Variants in PCDHGA4 observed in about 807,000 individuals in gnomAD.
PCDHGA4 encodes protocadherin gamma subfamily A, 4, also known as protocadherin gamma-A4.
In PCDHGA4, 38 loss-of-function variants were observed where a neutral mutation model predicts 54.6. The ratio of observed to expected loss-of-function variants is 0.70; its 90% confidence interval spans 0.54 to 0.91. PCDHGA4 has a LOEUF of 0.91. Ranked by LOEUF, PCDHGA4 falls within the 40% of genes least tolerant of loss-of-function variation. PCDHGA4 has a pLI of 0.00. For missense variants in PCDHGA4, 1,298 were observed against 1,220.9 expected, an observed-to-expected ratio of 1.06 and a Z score of -0.94; for synonymous variants, 511 against 512.9, an observed-to-expected ratio of 1.00 and a Z score of 0.05.
chr5:141,444,897 G>T (rs1445334623), intron 1 of PCDHGA4, among the ~76,000 whole-genome samples: 1 of 152,274 alleles, frequency 6.6e-6, no homozygotes, highest in African/African-American at 2.4e-5. Flanking sequence ...GAATGGGATG[G>T]CATTGCATCT....
intron 1 of PCDHGA4, chr5:141,374,341 C>G: frequency 7.4e-6 from 12 of 1,613,988 alleles, no homozygotes; most frequent in Non-Finnish European, 8.5e-6. Flanking sequence ...GCTTGGTCAC[C>G]GCGGGTAGGA....
At chr5:141,463,803 A>G (rs975202568) in intron 1 of PCDHGA4, among the ~76,000 whole-genome samples, 1 of 152,150 alleles carries the variant, frequency 6.6e-6, no homozygotes, top group Non-Finnish European at 1.5e-5. Flanking sequence ...AATGTCTAAA[A>G]GCTTTTATCA....
At chr5:141,443,759 A>G (rs1055796439) in intron 1 of PCDHGA4, among the ~76,000 whole-genome samples, 2 of 152,228 alleles carry the variant, frequency 1.3e-5, no homozygotes, top group African/African-American at 2.4e-5. Flanking sequence ...GAAGCTTACA[A>G]TATACAATAT....
Position 141,383,965 on chromosome 5 carries a change from A to G in PCDHGA4, c.2514+26344A>G, listed in dbSNP as rs1208203107. ...GACTATGACGTCTTTAAGTAGCTCA[A>G]TCCCTGAAGACACACCTCTTGGGAC... On this transcript the variant is annotated intron_variant, in intron 1 of 3. Coordinates refer to ENST00000571252, the MANE Select transcript of PCDHGA4 (RefSeq NM_018917.4). 1 of 1,613,598 alleles carries G rather than the reference A, an allele frequency of 6.2e-7. No individual in the cohort carries two copies. The highest frequency in any genetic ancestry group is 2.2e-5 in the East Asian group (1 of 44,892).
chr5:141,377,182 A>G (rs958059395), intron 1 of PCDHGA4: 9 of 152,144 alleles, frequency 5.9e-5, no homozygotes, highest in Non-Finnish European at 8.8e-5. Flanking sequence ...TTCTTGGCAA[A>G]CTATTTGTGT....
In PCDHGA4 at chr5:141,511,358, G is replaced by GT; in HGVS notation, c.*187dup. 1 of 1,355,398 alleles carries GT rather than the reference G, an allele frequency of 7.4e-7. No homozygotes were observed. Among genetic ancestry groups the GT allele is most frequent in the South Asian group, 1.5e-5 (1 of 66,198 alleles). 84.0% of individuals were successfully genotyped at this position (1,355,398 alleles called of 1,614,324 possible). On this transcript the variant is annotated 3_prime_UTR_variant, in exon 4 of 4. Transcript: ENST00000571252. ...GCACCTACCCCTTCCCCCCCAGGGG[G>GT]TTGAATATGCAAAAGCAGTTCCGCT...
At chr5:141,395,177 T>C in intron 1 of PCDHGA4, 2 of 1,614,120 alleles carry the variant, frequency 1.2e-6, no homozygotes, top group South Asian at 2.2e-5. Flanking sequence ...GTGAGAAAAA[T>C]GATTCTTTGT....
chr5:141,436,337 A>G (rs1450981655), intron 1 of PCDHGA4, among the ~76,000 whole-genome samples: 1 of 152,178 alleles, frequency 6.6e-6, no homozygotes, highest in Non-Finnish European at 1.5e-5. Flanking sequence ...CATATCTCAA[A>G]TATCAGTGAC....
At chr5:141,417,770 T>G in intron 1 of PCDHGA4, 1 of 1,456,418 alleles carries the variant, frequency 6.9e-7, no homozygotes, top group Non-Finnish European at 9.1e-7. Context: ...CCGGGACTCC[T>G]CCTGTCCTGG....
intron 1 of PCDHGA4, chr5:141,439,852 G>A (rs182049678): frequency 1.3e-5 from 2 of 152,474 alleles, no homozygotes; most frequent in African/African-American, 4.8e-5. Context: ...CTGTGGAAAA[G>A]GTGGGGAATG....
intron 1 of PCDHGA4, among the ~76,000 whole-genome samples, chr5:141,401,116 G>A (rs763920346): frequency 1.3e-5 from 2 of 152,036 alleles, no homozygotes; most frequent in African/African-American, 2.4e-5. Flanking sequence ...GGCCGAGGCG[G>A]TTGGATCACA....
At chr5:141,505,559 G>A (rs1215110084) in intron 3 of PCDHGA4, 78 bp downstream of exon 3, 27 of 1,604,592 alleles carry the variant, frequency 1.7e-5, no homozygotes, top group Non-Finnish European at 2.0e-5. Flanking sequence ...CCATGCCCAC[G>A]GACTGGATGT....
chr5:141,417,658 G>C, intron 1 of PCDHGA4: 2 of 869,072 alleles, frequency 2.3e-6, no homozygotes, highest in Non-Finnish European at 1.7e-6. Context: ...TCTAGCCTGG[G>C]ATTCCCTGCG....
intron 1 of PCDHGA4, among the ~76,000 whole-genome samples, chr5:141,454,743 G>A (rs1050167077): frequency 6.7e-6 from 1 of 149,684 alleles, no homozygotes; most frequent in African/African-American, 2.5e-5. Context: ...ATGAAAAGAG[G>A]CCAAACTAAT....
intron 1 of PCDHGA4, chr5:141,414,831 G>A (rs1230752323): frequency 1.9e-6 from 3 of 1,614,212 alleles, no homozygotes; most frequent in Admixed American, 1.7e-5. Flanking sequence ...ACGTGTCGTT[G>A]AGCCTGTTTG....
intron 1 of PCDHGA4, among the ~76,000 whole-genome samples, chr5:141,467,297 CT>C (rs1229166213): frequency 2.0e-5 from 3 of 152,182 alleles, no homozygotes; most frequent in African/African-American, 7.2e-5. Context: ...AAGTGATCCA[CT>C]CACCTCGGCC....
chr5:141,470,986 G>T (rs1215610104), intron 1 of PCDHGA4, among the ~76,000 whole-genome samples: 1 of 151,540 alleles, frequency 6.6e-6, no homozygotes, highest in Non-Finnish European at 1.5e-5. Flanking sequence ...CAAAGTGCTG[G>T]GACTACAGGC....
Position 141,432,466 on chromosome 5 carries a change from G to A in PCDHGA4, c.2515-62341G>A, listed in dbSNP as rs149116648. 5.7e-4 allele frequency: 913 copies of A among 1,614,208 alleles called. 6 individuals carry two copies. In the African/African-American group the frequency reaches 0.011, roughly 19 times the overall value. On this transcript the variant is annotated intron_variant, in intron 1 of 3. Transcript: ENST00000571252. This position sits in a 1 kb window ranked among gnomAD's most constrained non-coding sequence, Gnocchi z 6.0. The stretch of plus-strand genomic sequence containing the variant: ...AGATCCTGTACCCCGCCCTCCCCAC[G>A]GACGGTTCCACTGGCGTGGAGCTGG...
At chr5:141,393,525 A>G in intron 1 of PCDHGA4, 1 of 1,613,922 alleles carries the variant, frequency 6.2e-7, no homozygotes, top group Non-Finnish European at 8.5e-7. Context: ...TACAAATGAC[A>G]ATGCCCCGGT....
Sources: allele counts gnomAD v4.1 joint callset (sites outside exome capture counted in the v4.1 genomes callset), GRCh38; gene constraint gnomAD v4.1.1; non-coding constraint Gnocchi (gnomAD v3.1); transcripts MANE v1.5; gene names NCBI Gene and HGNC (gene_info 2026-07-23, HGNC 2026-07-21).